Variants in CADM2 observed in about 807,000 individuals in gnomAD.
CADM2 encodes cell adhesion molecule 2, also known as immunoglobulin superfamily member 4D.
In CADM2, 12 loss-of-function variants were observed where a neutral mutation model predicts 49.8. The observed-to-expected ratio is 0.24, with a 90% CI of 0.15 to 0.39. CADM2 has a LOEUF of 0.39. Ranked by LOEUF, CADM2 falls within the 10% of genes least tolerant of loss-of-function variation. CADM2 has a pLI of 1.00. For missense variants in CADM2, 378 were observed against 492.3 expected (o/e 0.77, Z 2.20); for synonymous variants, 214 against 175.4 (o/e 1.22, Z -1.74).
chr3:85,059,737 A>G (rs778463840), intron 1 of CADM2, among the ~76,000 whole-genome samples: 11 of 152,182 alleles, frequency 7.2e-5, no homozygotes, highest in Non-Finnish European at 1.5e-4. Flanking sequence ...ATCTGCCACC[A>G]TGTGAGACAT....
At position 86,021,392 on chromosome 3, in the gene CADM2, T is replaced by A. The variant is rs571773354; in HGVS notation, c.971-44213T>A. ...TTGCTTCCCGGAGGAATATATTTCC[T>A]TCTGTCCTATATCAGTGATGTACCT... On this transcript the variant is annotated intron_variant, in intron 8 of 9. Transcript: ENST00000383699. 3.9e-4 allele frequency among the ~76,000 whole-genome samples: 59 copies of A among 152,338 alleles called. No homozygotes were observed. The South Asian group carries it at 0.012, about 31-fold the overall frequency.
intron 1 of CADM2, among the ~76,000 whole-genome samples, chr3:85,431,548 T>A (rs1322253142): frequency 6.6e-6 from 1 of 151,414 alleles, no homozygotes; most frequent in African/African-American, 2.4e-5. Flanking sequence ...GAGGAAGGAG[T>A]CAGAAGTGTT....
chr3:85,957,941 TG>T (rs1724253646), intron 7 of CADM2, among the ~76,000 whole-genome samples: 2 of 151,842 alleles, frequency 1.3e-5, no homozygotes, highest in South Asian at 4.1e-4. Context: ...AATTGACAAA[TG>T]GGATCTAATT....
Position 85,883,417 on chromosome 3 carries a change from C to G in CADM2, c.365C>G (p.Thr122Ser), listed in dbSNP as rs1713105906. Residue 122 changes from threonine (T) to serine (S), a missense_variant, in exon 4 of 10, where the codon ACT becomes AGT. By Grantham distance (58) the Thr-to-Ser change is moderately conservative. Transcript: ENST00000383699. ...TCSLFTMPVK[T>S]SKAYLTVLGV... ...TCTTTATTTACAATGCCTGTCAAAACTTCCAAGGCATATCTCACCGTTCTG... is the reference window on the plus strand; with the variant it reads ...TCTTTATTTACAATGCCTGTCAAAAGTTCCAAGGCATATCTCACCGTTCTG... 6.2e-7 allele frequency: 1 copy of G among 1,613,614 alleles called. No homozygotes were observed. The highest frequency in any genetic ancestry group is 8.5e-7 in the Non-Finnish European group (1 of 1,179,770).
At chr3:85,957,527 G>A (rs758841663) in intron 7 of CADM2, among the ~76,000 whole-genome samples, 12 of 151,644 alleles carry the variant, frequency 7.9e-5, no homozygotes, top group Non-Finnish European at 1.6e-4. Context: ...CCACCAAAAT[G>A]TGTGTTACCA....
At chr3:85,520,687 G>T in intron 1 of CADM2, among the ~76,000 whole-genome samples, 1 of 152,106 alleles carries the variant, frequency 6.6e-6, no homozygotes, top group Admixed American at 6.5e-5. Flanking sequence ...AGAGGAAAAA[G>T]TAATACAAAT....
chr3:85,962,700 T>C (rs972115161), intron 8 of CADM2, among the ~76,000 whole-genome samples: 12 of 151,958 alleles, frequency 7.9e-5, no homozygotes, highest in African/African-American at 2.9e-4. Context: ...CTTTATTGTA[T>C]ATGTCAGGGT....
chr3:85,670,241 T>C (rs911523574), intron 1 of CADM2, among the ~76,000 whole-genome samples: 15 of 152,174 alleles, frequency 9.9e-5, no homozygotes, highest in Non-Finnish European at 2.1e-4. Flanking sequence ...CACATATGAA[T>C]TCTTGCTATA....
chr3:85,522,999 A>G (rs1195298332), intron 1 of CADM2, among the ~76,000 whole-genome samples: 1 of 151,846 alleles, frequency 6.6e-6, no homozygotes, highest in Non-Finnish European at 1.5e-5. Flanking sequence ...CCAAGAAAAA[A>G]AAAAAAAAAA....
At chr3:85,718,064 C>G (rs2067360890) in intron 1 of CADM2, among the ~76,000 whole-genome samples, 1 of 152,170 alleles carries the variant, frequency 6.6e-6, no homozygotes, top group Non-Finnish European at 1.5e-5. Flanking sequence ...GCCACCACGT[C>G]CAGCCAGAAG....
intron 8 of CADM2, among the ~76,000 whole-genome samples, chr3:86,024,529 A>T (rs1733625980): frequency 6.6e-6 from 1 of 152,216 alleles, no homozygotes; most frequent in Non-Finnish European, 1.5e-5. Flanking sequence ...TGCTCAAATT[A>T]GTATGTTGTT....
At position 85,427,160 on chromosome 3, in the gene CADM2, C is replaced by CTATATA. The variant is rs35485915; in HGVS notation, c.62-299326_62-299321dup. On this transcript the variant is annotated intron_variant, in intron 1 of 9. Coordinates refer to ENST00000383699, the MANE Select transcript of CADM2 (RefSeq NM_001167675.2). Reference sequence around the variant, plus strand: ...AACATTACTCACTGATGTATTGGAACTATATATATATATATATATATATAT... The same window carrying CTATATA: ...AACATTACTCACTGATGTATTGGAACTATATATATATATATATATATATATATATAT... 2.7e-3 allele frequency among the ~76,000 whole-genome samples: 304 copies of CTATATA among 113,596 alleles called. 3 individuals are homozygous for CTATATA. Among genetic ancestry groups the CTATATA allele is most frequent in the African/African-American group, 5.1e-3 (104 of 20,434 alleles). 74.5% of individuals were successfully genotyped at this position (113,596 alleles called of 152,430 possible). A position where few individuals can be genotyped will look rare whatever the true frequency, so the allele number is the denominator to read the frequency against.
chr3:85,617,882 T>G (rs2063842517), intron 1 of CADM2, among the ~76,000 whole-genome samples: 1 of 152,162 alleles, frequency 6.6e-6, no homozygotes, highest in South Asian at 2.1e-4. Flanking sequence ...CCAGAAACAT[T>G]GAAATGCATT....
intron 1 of CADM2, among the ~76,000 whole-genome samples, chr3:85,062,930 C>G (rs534993147): frequency 6.6e-6 from 1 of 151,840 alleles, no homozygotes; most frequent in Admixed American, 6.6e-5. Context: ...GAATTTTAGA[C>G]TATTTGATTT....
chr3:85,262,927 TATGTGTAAATATG>T (rs1469795470), intron 1 of CADM2, among the ~76,000 whole-genome samples: 1 of 134,576 alleles, frequency 7.4e-6, no homozygotes, highest in Non-Finnish European at 1.5e-5. Context: ...TCTGTATGTG[TATGTGTAAATATG>T]ATGTGTAAAT....
At chr3:85,078,327 T>C (rs1010298577) in intron 1 of CADM2, among the ~76,000 whole-genome samples, 2 of 152,004 alleles carry the variant, frequency 1.3e-5, no homozygotes, top group African/African-American at 4.8e-5. Context: ...TTGAAGTACA[T>C]GACATTAATA....
At chr3:85,484,833 T>C (rs530924059) in intron 1 of CADM2, among the ~76,000 whole-genome samples, 2 of 152,114 alleles carry the variant, frequency 1.3e-5, no homozygotes, top group South Asian at 4.1e-4. Flanking sequence ...TATCAAATCA[T>C]TTTTATAAAC....
At chr3:86,052,671 ATTT>A (rs1737481560) in intron 8 of CADM2, among the ~76,000 whole-genome samples, 1 of 152,140 alleles carries the variant, frequency 6.6e-6, no homozygotes, top group African/African-American at 2.4e-5. Context: ...ACTCATTAAT[ATTT>A]AAGTAAATTT....
chr3:85,699,169 TG>T (rs1361134993), intron 1 of CADM2, among the ~76,000 whole-genome samples: 1 of 152,216 alleles, frequency 6.6e-6, no homozygotes, highest in Non-Finnish European at 1.5e-5. Flanking sequence ...GTGCAAGGGA[TG>T]GGCTCCCAAA....
Sources: gnomAD v4.1 joint callset for allele counts (sites outside exome capture counted in the v4.1 genomes callset) on GRCh38, gnomAD v4.1.1 for gene constraint, MANE v1.5 for transcripts, NCBI Gene and HGNC (gene_info 2026-07-23, HGNC 2026-07-21) for gene names.